PTPRJ: variants seen among roughly 807,000 people sequenced by gnomAD.
PTPRJ encodes the protein protein tyrosine phosphatase receptor type J.
In PTPRJ, 129 loss-of-function variants were observed where a neutral mutation model predicts 141.3. The observed-to-expected ratio is 0.91, with a 90% CI of 0.79 to 1.06. The LOEUF (loss-of-function observed/expected upper bound fraction) is 1.06, where lower values mean the gene tolerates loss of function less well. Among genes scored for constraint, PTPRJ ranks in the 50% least tolerant of loss-of-function variants. PTPRJ has a pLI of 0.00. For missense variants in PTPRJ, 1,601 were observed against 1,679.7 expected, an observed-to-expected ratio of 0.95 and a Z score of 0.82; for synonymous variants, 610 against 640.5, an observed-to-expected ratio of 0.95 and a Z score of 0.72.
chr11:48,024,085 ATT>A (rs1853738957), intron 1 of PTPRJ, among the ~76,000 whole-genome samples: 2 of 151,776 alleles, frequency 1.3e-5, no homozygotes, highest in Admixed American at 1.3e-4. Flanking sequence ...CTGTATTCAC[ATT>A]CCTCCCACAC....
At chr11:48,164,251 A>G in intron 23 of PTPRJ, 129 bp from the exon 24 acceptor site, 2 of 1,185,844 alleles carry the variant, frequency 1.7e-6, no homozygotes, top group Non-Finnish European at 1.2e-6. Flanking sequence ...GCAAATGTGT[A>G]CTGATCCTGT....
chr11:48,072,556 G>A (rs1221872831), intron 1 of PTPRJ, among the ~76,000 whole-genome samples: 1 of 152,162 alleles, frequency 6.6e-6, no homozygotes, highest in Non-Finnish European at 1.5e-5. Flanking sequence ...GCTTTGTACT[G>A]GGGTGTATTT....
chr11:48,156,210 T>A (rs1159353359), intron 21 of PTPRJ, 91 bp downstream of exon 21: 2 of 1,170,904 alleles, frequency 1.7e-6, no homozygotes, highest in African/African-American at 1.6e-5. Context: ...TTTGTTTCTT[T>A]AAAAAAACTC....
chr11:48,083,191 C>T (rs948580646), intron 1 of PTPRJ, among the ~76,000 whole-genome samples: 5 of 152,098 alleles, frequency 3.3e-5, no homozygotes, highest in African/African-American at 2.4e-5. Flanking sequence ...TTTTGGAGGC[C>T]GAGGTGGGTG....
At chr11:48,056,069 A>G (rs1854745281) in intron 1 of PTPRJ, among the ~76,000 whole-genome samples, 1 of 152,118 alleles carries the variant, frequency 6.6e-6, no homozygotes, top group Non-Finnish European at 1.5e-5. Context: ...GTGGTCTGGG[A>G]TGATTAGTAT....
intron 1 of PTPRJ, among the ~76,000 whole-genome samples, chr11:48,020,966 C>G (rs1223050504): frequency 6.6e-6 from 1 of 152,230 alleles, no homozygotes; most frequent in African/African-American, 2.4e-5. Context: ...AAAGGGCAGG[C>G]TGGCTACCAG....
At chr11:48,055,177 T>G (rs1271388156) in intron 1 of PTPRJ, among the ~76,000 whole-genome samples, 1 of 150,822 alleles carries the variant, frequency 6.6e-6, no homozygotes. Flanking sequence ...TGCAGTGAGA[T>G]CCCATCTCTA....
chr11:48,057,424 C>T (rs1022257772), intron 1 of PTPRJ, among the ~76,000 whole-genome samples: 2 of 152,190 alleles, frequency 1.3e-5, no homozygotes, highest in Non-Finnish European at 2.9e-5. Context: ...ATCACCTTTA[C>T]TCCTGATACA....
chr11:48,092,294 CAAAAAAAAAAAAAAAA>C (rs3971621), intron 1 of PTPRJ, among the ~76,000 whole-genome samples: 1 of 46,956 alleles, frequency 2.1e-5, no homozygotes, highest in Non-Finnish European at 3.9e-5. Flanking sequence ...GATTTCATCT[CAAAAAAAAAAAAAAAA>C]AAAAAAAGAA....
rs1402198165 is a variant in PTPRJ at position 48,125,172 on chromosome 11, T to C, written c.1079T>C (p.Ile360Thr). The change falls in exon 6 of 25, where the codon ATA (isoleucine) becomes ACA (threonine). Residue 360 changes from isoleucine (I) to threonine (T), a missense_variant. Physicochemically the swap from Ile to Thr is moderately conservative, Grantham distance 89. Transcript: ENST00000418331. ...ANGTEGQPQA[I>T]EFRTNAIQVF... ...GGCACAGAAGGACAGCCCCAGGCCATAGAGTTCAGGACAAGTAGGTTGAAC... is the reference window on the plus strand; with the variant it reads ...GGCACAGAAGGACAGCCCCAGGCCACAGAGTTCAGGACAAGTAGGTTGAAC... 1.9e-6 allele frequency: 3 copies of C among 1,614,028 alleles called. No homozygotes were observed. Among genetic ancestry groups the C allele is most frequent in the Admixed American group, 1.7e-5 (1 of 60,002 alleles).
intron 1 of PTPRJ, among the ~76,000 whole-genome samples, chr11:48,006,055 T>C (rs920288116): frequency 2.0e-5 from 3 of 152,112 alleles, no homozygotes; most frequent in African/African-American, 4.8e-5. Context: ...CTGGACCTGG[T>C]TGGGCAAGGC....
chr11:48,076,314 G>A (rs548852528), intron 1 of PTPRJ, among the ~76,000 whole-genome samples: 34 of 152,156 alleles, frequency 2.2e-4, no homozygotes, highest in Non-Finnish European at 4.6e-4. Context: ...ATTCATTGTT[G>A]TATTAGAGTT....
intron 10 of PTPRJ, among the ~76,000 whole-genome samples, chr11:48,138,483 T>C (rs967310286): frequency 3.9e-5 from 6 of 152,166 alleles, no homozygotes; most frequent in African/African-American, 1.2e-4. Context: ...TTGGTAGAGC[T>C]TCTCCTGCTC....
chr11:48,067,747 G>C (rs1246294795), intron 1 of PTPRJ, among the ~76,000 whole-genome samples: 1 of 152,208 alleles, frequency 6.6e-6, no homozygotes, highest in Non-Finnish European at 1.5e-5. Context: ...GGTCCAACAA[G>C]TGCAGTTCTT....
chr11:48,021,103 G>A (rs1472170298), intron 1 of PTPRJ, among the ~76,000 whole-genome samples: 2 of 152,214 alleles, frequency 1.3e-5, no homozygotes, highest in East Asian at 1.9e-4. Flanking sequence ...GCTGGGCATG[G>A]TGGCTCACGC....
chr11:47,981,147 CT>C (rs1853894422), intron 1 of PTPRJ, 139 bp downstream of exon 1: 1 of 899,818 alleles, frequency 1.1e-6, no homozygotes, highest in African/African-American at 1.8e-5. Context: ...CGGAAGGCGA[CT>C]TGCGGGGACC....
At chr11:48,089,528 A>G (rs1465565364) in intron 1 of PTPRJ, among the ~76,000 whole-genome samples, 1 of 151,842 alleles carries the variant, frequency 6.6e-6, no homozygotes, top group Non-Finnish European at 1.5e-5. Context: ...AAAAAAAAAA[A>G]AAAACAAAAA....
chr11:47,993,516 C>T (rs1162029742), intron 1 of PTPRJ, among the ~76,000 whole-genome samples: 2 of 151,996 alleles, frequency 1.3e-5, no homozygotes, highest in African/African-American at 4.8e-5. Context: ...TGGTGTTGAA[C>T]TCCCGACCTC....
chr11:48,092,477 T>C (rs1855897399), intron 1 of PTPRJ, among the ~76,000 whole-genome samples: 1 of 151,506 alleles, frequency 6.6e-6, no homozygotes. Context: ...TTGCCCAGGC[T>C]GGAGTGCAGT....
Sources: gnomAD v4.1 joint callset for allele counts (sites outside exome capture counted in the v4.1 genomes callset) on GRCh38, gnomAD v4.1.1 for gene constraint, MANE v1.5 for transcripts, NCBI Gene and HGNC (gene_info 2026-07-23, HGNC 2026-07-21) for gene names.